Variants in OCSTAMP observed in about 807,000 individuals in gnomAD.
The protein encoded by OCSTAMP is osteoclast stimulatory transmembrane protein.
OCSTAMP carries 17 observed loss-of-function variants against 25.2 expected under a neutral mutation model. The ratio of observed to expected loss-of-function variants is 0.68; its 90% CI spans 0.46 to 1.01. The LOEUF is 1.01. OCSTAMP is among the 50% of genes least tolerant of loss of function. The pLI is 0.00. For missense variants in OCSTAMP, 664 were observed against 694.6 expected (o/e 0.96, Z 0.50); for synonymous variants, 345 against 318.9 (o/e 1.08, Z -0.87).
At chr20:46,546,962 C>T (rs2061855214) in intron 1 of OCSTAMP, among the ~76,000 whole-genome samples, 1 of 152,134 alleles carries the variant, frequency 6.6e-6, no homozygotes, top group Non-Finnish European at 1.5e-5. Flanking sequence ...TCCCTACCTT[C>T]GTGGGGCTTG....
rs1337014657 is a variant in OCSTAMP, at chr20:46,541,155, T to A, written c.*119A>T. On this transcript the variant is annotated 3_prime_UTR_variant, in exon 3 of 3. Coordinates refer to ENST00000279028, the MANE Select transcript of OCSTAMP (RefSeq NM_080721.3). ...TTCGAGAAATTCATGATGCAAGGTC[T>A]CCATCTAACAAGTAGAGCAGTTGGT... The A allele has an allele frequency of 1.6e-6, 1 of 620,288 alleles. No homozygotes were observed. The highest frequency in any genetic ancestry group is 3.0e-6 in the Non-Finnish European group (1 of 338,810). The allele number at this position is 620,288 out of a possible 1,614,324, so 38.4% of individuals were successfully genotyped here. A position where few individuals can be genotyped will look rare whatever the true frequency, so the allele number is the denominator to read the frequency against.
intron 1 of OCSTAMP, 75 bp downstream of exon 1, chr20:46,550,442 G>T: frequency 7.5e-7 from 1 of 1,327,882 alleles, no homozygotes; most frequent in Non-Finnish European, 1.1e-6. Flanking sequence ...GAAGATTTGG[G>T]TTCATATCCA....
chr20:46,543,138 C>CCCTCCCTCCCTTCCTT (rs1362660080), intron 2 of OCSTAMP, among the ~76,000 whole-genome samples: 1 of 150,816 alleles, frequency 6.6e-6, no homozygotes, highest in African/African-American at 2.4e-5. Context: ...AGATTACTTC[C>CCCTCCCTCCCTTCCTT]CCTCCCTCCC....
At chr20:46,543,347 T>C (rs1393532309) in intron 2 of OCSTAMP, among the ~76,000 whole-genome samples, 2 of 150,774 alleles carry the variant, frequency 1.3e-5, no homozygotes, top group Admixed American at 6.6e-5. Flanking sequence ...TCTTCCTTTT[T>C]TTTTTTTTGG....
chr20:46,548,019 G>A (rs2061858404), intron 1 of OCSTAMP, among the ~76,000 whole-genome samples: 1 of 152,198 alleles, frequency 6.6e-6, no homozygotes, highest in Admixed American at 6.5e-5. Flanking sequence ...TAGCAGGTGG[G>A]AAAGCAGAGG....
intron 2 of OCSTAMP, among the ~76,000 whole-genome samples, chr20:46,542,574 C>CAAAAAAAA (rs3092597): frequency 0.032 from 3,193 of 99,974 alleles, 182 homozygotes; most frequent in South Asian, 0.043. Context: ...GACTCTGTCT[C>CAAAAAAAA]AAAAAAAAAA....
At chr20:46,542,508 G>C (rs1374382004) in intron 2 of OCSTAMP, among the ~76,000 whole-genome samples, 1 of 150,380 alleles carries the variant, frequency 6.6e-6, no homozygotes, top group Non-Finnish European at 1.5e-5. Flanking sequence ...TTGAGCCCGA[G>C]AGGGGAGGGT....
chr20:46,547,019 T>C (rs1293694311), intron 1 of OCSTAMP, among the ~76,000 whole-genome samples: 3 of 152,188 alleles, frequency 2.0e-5, no homozygotes, highest in Non-Finnish European at 4.4e-5. Context: ...AAAGCTTGGA[T>C]TCTGAACACA....
In OCSTAMP at chr20:46,545,395, C is replaced by A; in HGVS notation, c.979G>T (p.Ala327Ser). 1.9e-6 allele frequency: 3 copies of A among 1,540,532 alleles called. No individual in the cohort carries two copies. The highest frequency in any genetic ancestry group is 2.6e-6 in the Non-Finnish European group (3 of 1,142,904). Residue 327 changes from alanine (A) to serine (S), a missense_variant, in exon 2 of 3, where the codon GCA becomes TCA. Coordinates refer to ENST00000279028, the MANE Select transcript of OCSTAMP (RefSeq NM_080721.3). ...TGAGCCCAGTCCACAGTAGCCTGTG[C>A]CAGGAGGAAGGCTACATGGTCTGTG... ...VATDHVAFLL[A>S]QATVDWAQKL... is the part of the protein sequence containing the mutation.
chr20:46,548,250 G>C (rs1031419127), intron 1 of OCSTAMP, among the ~76,000 whole-genome samples: 3 of 152,156 alleles, frequency 2.0e-5, no homozygotes, highest in Non-Finnish European at 4.4e-5. Flanking sequence ...ATAAAAGTAT[G>C]CACCTCCTGG....
At chr20:46,543,333 C>CTTT (rs2061841620) in intron 2 of OCSTAMP, among the ~76,000 whole-genome samples, 4 of 27,568 alleles carry the variant, frequency 1.5e-4, no homozygotes, top group Non-Finnish European at 1.4e-4. Flanking sequence ...TTTCTTTCTT[C>CTTT]GTTTCTTCCT....
intron 1 of OCSTAMP, among the ~76,000 whole-genome samples, chr20:46,546,887 C>T (rs927402156): frequency 6.6e-6 from 1 of 151,996 alleles, no homozygotes; most frequent in Non-Finnish European, 1.5e-5. Flanking sequence ...ATTCATTCAA[C>T]AAGTGTTTAT....
chr20:46,542,574 C>CAAAAAAAAAAAAAAAAAAAA lies in OCSTAMP; in HGVS notation c.1048-648_1048-647insTTTTTTTTTTTTTTTTTTTT, dbSNP rs3092597. Among the ~76,000 whole-genome samples, 10 of 100,352 alleles carry CAAAAAAAAAAAAAAAAAAAA rather than the reference C, an allele frequency of 1.0e-4. 1 individual carries two copies. Among genetic ancestry groups the CAAAAAAAAAAAAAAAAAAAA allele is most frequent in the African/African-American group, 4.5e-4 (9 of 19,996 alleles). The allele number at this position is 100,352 out of a possible 152,430, so 65.8% of individuals were successfully genotyped here. A position where few individuals can be genotyped will look rare whatever the true frequency, so the allele number is the denominator to read the frequency against. ...TGGGCAACACAGCAAGACTCTGTCTCAAAAAAAAAAAAAAGATGGGAAGCC... is the reference window on the plus strand; with the variant it reads ...TGGGCAACACAGCAAGACTCTGTCTCAAAAAAAAAAAAAAAAAAAAAAAAAAAAAAAAAAGATGGGAAGCC... On this transcript the variant is annotated intron_variant, in intron 2 of 2. Coordinates refer to ENST00000279028, the MANE Select transcript of OCSTAMP (RefSeq NM_080721.3).
intron 2 of OCSTAMP, among the ~76,000 whole-genome samples, 196 bp from the exon 3 acceptor site, chr20:46,542,123 A>G (rs1253628363): frequency 1.3e-5 from 2 of 152,328 alleles, no homozygotes; most frequent in South Asian, 2.1e-4. Flanking sequence ...AAATCACCAT[A>G]CAAATGTTAC....
In OCSTAMP at chr20:46,545,898, C is replaced by A. The variant is rs1351330354; in HGVS notation, c.476G>T (p.Ser159Ile). The change falls in exon 2 of 3, where the codon AGT becomes ATT. Residue 159 changes from serine (S) to isoleucine (I), a missense_variant. Physicochemically the swap from Ser to Ile is moderately radical, Grantham distance 142. Transcript: ENST00000279028. ...LRCVTEGSLE[S>I]LLNTTHQLHA... The stretch of plus-strand genomic sequence containing the variant: ...CAGCTGGTGAGTGGTATTGAGGAGA[C>A]TCTCCAGGGAGCCCTCGGTGACACA... 1 of 1,551,412 alleles carries A rather than the reference C, an allele frequency of 6.4e-7. No homozygotes were observed.
Position 46,545,452 on chromosome 20 carries a change from G to A in OCSTAMP, c.922C>T (p.Leu308=). 7 of 1,551,430 alleles carry A rather than the reference G, an allele frequency of 4.5e-6. No individual in the cohort carries two copies. The highest frequency in any genetic ancestry group is 6.1e-6 in the Non-Finnish European group (7 of 1,146,958). Residue 308 remains leucine, a synonymous_variant, in exon 2 of 3, where the codon CTG becomes TTG. Coordinates refer to ENST00000279028, the MANE Select transcript of OCSTAMP (RefSeq NM_080721.3). The part of the protein sequence containing the change: ...SCLLRLGLLA[L]LLVATAVAVA... ...GCCACAGCCGTGGCCACGAGGAGCAGGGCAAGCAGCCCCAGCCTTAGAAGA... is the reference window on the plus strand; with the variant it reads ...GCCACAGCCGTGGCCACGAGGAGCAAGGCAAGCAGCCCCAGCCTTAGAAGA...
In OCSTAMP at chr20:46,541,832, C is replaced by T. The variant is rs951343587; in HGVS notation, c.1143G>A (p.Glu381=). The part of the protein sequence containing the change: ...FLSVHSSYQW[E]LRLTSARCPL... ...GGCAGCGGGCGGAGGTGAGGCGGAGCTCCCATTGGTAGGAGCTGTGGACGG... is the reference window on the plus strand; with the variant it reads ...GGCAGCGGGCGGAGGTGAGGCGGAGTTCCCATTGGTAGGAGCTGTGGACGG... The change falls in exon 3 of 3, where the codon GAG becomes GAA. Residue 381 remains glutamate (E), a synonymous_variant. Transcript: ENST00000279028. 5.4e-6 allele frequency: 8 copies of T among 1,476,286 alleles called. No homozygotes were observed. The highest frequency in any genetic ancestry group is 2.9e-5 in the South Asian group (2 of 69,196). The allele number at this position is 1,476,286 out of a possible 1,614,324, so 91.4% of individuals were successfully genotyped here. A position where few individuals can be genotyped will look rare whatever the true frequency, so the allele number is the denominator to read the frequency against.
intron 2 of OCSTAMP, among the ~76,000 whole-genome samples, chr20:46,543,144 CTCCCT>C (rs1472464351): frequency 2.0e-5 from 3 of 151,772 alleles, no homozygotes; most frequent in Non-Finnish European, 4.4e-5. Context: ...CTTCCCCTCC[CTCCCT>C]TCCTTCCTTC....
intron 2 of OCSTAMP, among the ~76,000 whole-genome samples, chr20:46,543,305 C>CCTTTCTTTCTTTCTTTCTTTCTTTCTTT (rs3972347): frequency 3.0e-4 from 39 of 128,408 alleles, no homozygotes; most frequent in African/African-American, 9.7e-4. Context: ...CTTTCTCTTT[C>CCTTTCTTTCTTTCTTTCTTTCTTTCTTT]CTTTCTTTCT....
Sources: gnomAD v4.1 joint callset for allele counts (sites outside exome capture counted in the v4.1 genomes callset) on GRCh38, gnomAD v4.1.1 for gene constraint, MANE v1.5 for transcripts, NCBI Gene and HGNC (gene_info 2026-07-23, HGNC 2026-07-21) for gene names.